Variants in EEF1AKMT2 observed in about 807,000 individuals in gnomAD.
EEF1AKMT2 encodes eukaryotic translation elongation factor 1 alpha lysine methyltransferase 2.
EEF1AKMT2 carries 32 observed loss-of-function variants against 35.8 expected under a neutral mutation model. The observed-to-expected ratio is 0.89, with a 90% CI of 0.67 to 1.20. EEF1AKMT2 has a LOEUF of 1.20. EEF1AKMT2 is among the 50% of genes most tolerant of loss of function. The probability of loss-of-function intolerance (pLI) is 0.00; values close to 1 mark genes in which losing one functional copy is unlikely to be tolerated. For missense variants in EEF1AKMT2, 330 were observed against 347.5 expected, an observed-to-expected ratio of 0.95 and a Z score of 0.40; for synonymous variants, 121 against 133.7, an observed-to-expected ratio of 0.91 and a Z score of 0.65.
chr10:124,765,277 A>T, intron 5 of EEF1AKMT2, 115 bp downstream of exon 5: 1 of 795,902 alleles, frequency 1.3e-6, no homozygotes, highest in Non-Finnish European at 2.1e-6. Context: ...AGAAAAAAGC[A>T]GGCAATTCCC....
intron 5 of EEF1AKMT2, among the ~76,000 whole-genome samples, chr10:124,763,236 T>A (rs937223135): frequency 6.6e-6 from 1 of 152,166 alleles, no homozygotes; most frequent in African/African-American, 2.4e-5. Context: ...CGACATCAAA[T>A]TAGAACATGG....
At chr10:124,760,589 T>G (rs1245906061) in intron 6 of EEF1AKMT2, 86 bp from the exon 7 acceptor site, 4 of 978,360 alleles carry the variant, frequency 4.1e-6, no homozygotes. Flanking sequence ...ACTGTACCAT[T>G]GAACCCTTTG....
chr10:124,762,974 T>C lies in EEF1AKMT2; in HGVS notation c.617-416A>G, dbSNP rs184923868. ...AGTTATTATATTTCAAAATAGAATA[T>C]ACCAAAATATTAATAGTGGTTGTAC... On this transcript the variant is annotated intron_variant, in intron 5 of 6. Transcript: ENST00000368836. Among the ~76,000 whole-genome samples, 3 of 152,352 alleles carry C rather than the reference T, an allele frequency of 2.0e-5. No homozygotes were observed. The East Asian group carries it at 5.8e-4, about 29-fold the overall frequency.
chr10:124,789,730 C>G (rs1456530284), intron 2 of EEF1AKMT2, among the ~76,000 whole-genome samples: 1 of 149,176 alleles, frequency 6.7e-6, no homozygotes, highest in African/African-American at 2.5e-5. Flanking sequence ...TGTACTCCAG[C>G]CTGGATGACA....
intron 4 of EEF1AKMT2, among the ~76,000 whole-genome samples, chr10:124,771,185 C>T (rs539667748): frequency 4.6e-5 from 7 of 152,022 alleles, no homozygotes; most frequent in East Asian, 3.9e-4. Context: ...CTGCAAGCTC[C>T]GCCTCCCAGG....
chr10:124,784,947 AG>A (rs201237696), intron 3 of EEF1AKMT2, among the ~76,000 whole-genome samples: 6,898 of 135,124 alleles, frequency 0.051, 534 homozygotes, highest in African/African-American at 0.17. Context: ...AAAAAAAAAA[AG>A]GTCTAAATGT....
At position 124,791,799 on chromosome 10, in the gene EEF1AKMT2, G is replaced by A. The variant is rs887463876; in HGVS notation, c.35C>T (p.Ala12Val). ...SSGADGGGGA[A>V]VAARSDKGSP... is the part of the protein sequence containing the mutation. ...GCCCTTGTCCGACCGCGCCGCCACC[G>A]CAGCGCCACCGCCGCCGTCAGCGCC... Residue 12 changes from alanine to valine, a missense_variant, in exon 1 of 7, where the codon GCG becomes GTG. Coordinates refer to ENST00000368836, the MANE Select transcript of EEF1AKMT2 (RefSeq NM_212554.4). 5.8e-5 allele frequency: 92 copies of A among 1,589,424 alleles called. No homozygotes were observed. The highest frequency in any genetic ancestry group is 7.2e-5 in the Non-Finnish European group (85 of 1,173,198).
intron 3 of EEF1AKMT2, among the ~76,000 whole-genome samples, chr10:124,780,850 C>A (rs1389571559): frequency 6.6e-6 from 1 of 152,052 alleles, no homozygotes; most frequent in Non-Finnish European, 1.5e-5. Flanking sequence ...GAAAAAAAAT[C>A]TTAAAAGCAT....
At chr10:124,767,918 G>C (rs1482477805) in intron 4 of EEF1AKMT2, among the ~76,000 whole-genome samples, 2 of 152,144 alleles carry the variant, frequency 1.3e-5, no homozygotes, top group African/African-American at 4.8e-5. Context: ...CCCAGGAAAC[G>C]GAGGTTGCGG....
intron 4 of EEF1AKMT2, among the ~76,000 whole-genome samples, chr10:124,769,231 A>T (rs200624834): frequency 2.7e-4 from 3 of 11,274 alleles, no homozygotes; most frequent in Non-Finnish European, 1.6e-3. Context: ...AAAAAAAAAA[A>T]AAATATATAT....
rs1015713541 is a variant in EEF1AKMT2 at position 124,761,921 on chromosome 10, C to T, written c.875+379G>A. 2.0e-4 allele frequency among the ~76,000 whole-genome samples: 30 copies of T among 152,122 alleles called. 1 individual carries two copies. In the East Asian group the frequency reaches 5.8e-3, roughly 29 times the overall value. On this transcript the variant is annotated intron_variant, in intron 6 of 6. Transcript: ENST00000368836. ...TGGGCAACAGAGCCAGACTCTGTCT[C>T]AAAATAAATTTTAAAATTAAAGTAA...
chr10:124,768,441 T>C (rs932759621), intron 4 of EEF1AKMT2, among the ~76,000 whole-genome samples: 2 of 152,042 alleles, frequency 1.3e-5, no homozygotes, highest in Non-Finnish European at 2.9e-5. Context: ...AAACCCGGTC[T>C]CCACTAAAAA....
intron 3 of EEF1AKMT2, among the ~76,000 whole-genome samples, chr10:124,785,246 C>CAAAAAAAAAA (rs35915292): frequency 1.1e-4 from 7 of 61,376 alleles, no homozygotes; most frequent in South Asian, 6.8e-4. Context: ...GACTCCGTCT[C>CAAAAAAAAAA]AAAAAAAAAA....
Position 124,777,510 on chromosome 10 carries a change from G to A in EEF1AKMT2, c.292-2728C>T, listed in dbSNP as rs980305647. Among the ~76,000 whole-genome samples the A allele has an allele frequency of 6.6e-5, 10 of 151,316 alleles. No individual in the cohort carries two copies. The South Asian group carries it at 1.0e-3, about 16-fold the overall frequency. On this transcript the variant is annotated intron_variant, in intron 3 of 6. Transcript: ENST00000368836. ...GCAACTGTAGCACGATGGTATCTGT[G>A]TACCTAAAGATTTTTTTTTTTTTTT...
intron 4 of EEF1AKMT2, among the ~76,000 whole-genome samples, chr10:124,766,723 G>C: frequency 6.6e-6 from 1 of 152,144 alleles, no homozygotes; most frequent in Non-Finnish European, 1.5e-5. Context: ...CATTATACCT[G>C]AAGCAAAATA....
chr10:124,791,773 T>G lies in EEF1AKMT2; in HGVS notation c.61A>C (p.Ser21Arg). ...AAVAARSDKGSPGEDGFVPSA... is the reference protein window; with the variant it reads ...AAVAARSDKGRPGEDGFVPSA... The stretch of plus-strand genomic sequence containing the variant: ...GGGACGAAACCGTCCTCCCCGGGAC[T>G]GCCCTTGTCCGACCGCGCCGCCACC... Residue 21 changes from serine (S) to arginine (R), a missense_variant, in exon 1 of 7, where the codon AGT becomes CGT. By Grantham distance (110) the Ser-to-Arg change is moderately radical. Transcript: ENST00000368836. 1 of 1,595,754 alleles carries G rather than the reference T, an allele frequency of 6.3e-7. No individual in the cohort carries two copies. Among genetic ancestry groups the G allele is most frequent in the East Asian group, 2.3e-5 (1 of 44,376 alleles).
At chr10:124,757,633 A>G (rs114895368), downstream of EEF1AKMT2, among the ~76,000 whole-genome samples, 26 of 152,290 alleles carry the variant, frequency 1.7e-4, no homozygotes, top group African/African-American at 6.3e-4. Flanking sequence ...TATCATAGAA[A>G]TTTTAAAATA....
intron 4 of EEF1AKMT2, among the ~76,000 whole-genome samples, chr10:124,771,670 C>T (rs900292511): frequency 4.6e-5 from 7 of 151,982 alleles, no homozygotes; most frequent in Admixed American, 2.6e-4. Context: ...GAGATCCAGA[C>T]CACCCTGGCT....
chr10:124,782,766 TC>T (rs1950553654), intron 3 of EEF1AKMT2, among the ~76,000 whole-genome samples: 1 of 144,300 alleles, frequency 6.9e-6, no homozygotes, highest in Non-Finnish European at 1.5e-5. Flanking sequence ...TGAGCCAAGA[TC>T]CCTCCATTGC....
Sources: gnomAD v4.1 joint callset for allele counts (sites outside exome capture counted in the v4.1 genomes callset) on GRCh38, gnomAD v4.1.1 for gene constraint, MANE v1.5 for transcripts, NCBI Gene and HGNC (gene_info 2026-07-23, HGNC 2026-07-21) for gene names.